DENND2A: variants seen among roughly 807,000 people sequenced by gnomAD.
The protein encoded by DENND2A is DENN domain-containing protein 2A.
A neutral mutation model predicts 105.3 loss-of-function variants in DENND2A; 53 were observed. The observed-to-expected ratio is 0.50, with a 90% CI of 0.40 to 0.63. The LOEUF (loss-of-function observed/expected upper bound fraction) is 0.63, where lower values mean the gene tolerates loss of function less well. Ranked by LOEUF, DENND2A falls within the 30% of genes least tolerant of loss-of-function variation. DENND2A has a pLI of 0.00. For synonymous variants in DENND2A, 522 were observed against 508.4 expected, an observed-to-expected ratio of 1.03 and a Z score of -0.36; for missense variants, 1,138 against 1,279.6, an observed-to-expected ratio of 0.89 and a Z score of 1.69.
At chr7:140,574,964 G>A (rs2130614949) in intron 5 of DENND2A, among the ~76,000 whole-genome samples, 1 of 152,208 alleles carries the variant, frequency 6.6e-6, no homozygotes, top group Middle Eastern at 3.4e-3. Context: ...ATGTTGCAGT[G>A]AGCTGAGATC....
At chr7:140,606,655 T>G (rs905117098) in intron 1 of DENND2A, among the ~76,000 whole-genome samples, 2 of 152,038 alleles carry the variant, frequency 1.3e-5, no homozygotes, top group Non-Finnish European at 2.9e-5. Context: ...TCCTCCAAAC[T>G]GAGGAGGAAG....
chr7:140,540,039 G>A (rs1167923125), intron 14 of DENND2A, among the ~76,000 whole-genome samples: 1 of 152,240 alleles, frequency 6.6e-6, no homozygotes, highest in Non-Finnish European at 1.5e-5. Flanking sequence ...GGCTAAGGAT[G>A]CTCAGGGGTC....
chr7:140,545,674 G>A (rs1585595431), intron 13 of DENND2A, among the ~76,000 whole-genome samples: 1 of 152,178 alleles, frequency 6.6e-6, no homozygotes, highest in South Asian at 2.1e-4. Context: ...CAGCCTGTGT[G>A]TATATCTTCT....
chr7:140,542,186 C>T (rs944603899), intron 14 of DENND2A, among the ~76,000 whole-genome samples: 4 of 152,188 alleles, frequency 2.6e-5, no homozygotes, highest in Non-Finnish European at 5.9e-5. Flanking sequence ...TCTGTGCCCC[C>T]AGTTCCAAAG....
rs1436469017 is a variant in DENND2A, at chr7:140,640,614, A to G, written c.-358T>C. ...GGGCGGGCGGCGGCGGGTGCCGGGG[A>G]CGCCATGGCCCTCCGCCCTCCGCCC... On this transcript the variant is annotated 5_prime_UTR_variant, in exon 1 of 20. Transcript: ENST00000496613. The surrounding 1 kb of genome is among the most constrained non-coding windows in gnomAD (Gnocchi z 4.9). The G allele has an allele frequency of 1.4e-5, 2 of 147,596 alleles. No individual in the cohort carries two copies. The highest frequency in any genetic ancestry group is 3.0e-5 in the Non-Finnish European group (2 of 66,298). The allele number at this position is 147,596 out of a possible 1,614,324, so 9.1% of individuals were successfully genotyped here.
intron 5 of DENND2A, among the ~76,000 whole-genome samples, chr7:140,580,194 T>C (rs1170650452): frequency 1.3e-5 from 2 of 152,242 alleles, no homozygotes; most frequent in African/African-American, 4.8e-5. Flanking sequence ...ACGAGTTTTT[T>C]TCTTCATTAA....
At chr7:140,608,708 C>T (rs868775498) in intron 1 of DENND2A, among the ~76,000 whole-genome samples, 6 of 151,656 alleles carry the variant, frequency 4.0e-5, no homozygotes, top group Admixed American at 2.0e-4. Context: ...AATTAAGTAA[C>T]GAACCCAGCC....
chr7:140,634,707 CT>C (rs1800856211), intron 1 of DENND2A, among the ~76,000 whole-genome samples: 1 of 151,990 alleles, frequency 6.6e-6, no homozygotes, highest in African/African-American at 2.4e-5. Context: ...CCCCTCTCTA[CT>C]AAAAAATACA....
intron 1 of DENND2A, among the ~76,000 whole-genome samples, chr7:140,629,709 G>T (rs1035910011): frequency 1.3e-5 from 2 of 152,174 alleles, no homozygotes; most frequent in African/African-American, 4.8e-5. Context: ...CAGAGGTCCA[G>T]TTTGGGAGGG....
intron 9 of DENND2A, among the ~76,000 whole-genome samples, chr7:140,562,484 A>G (rs1797663784): frequency 6.6e-6 from 1 of 151,788 alleles, no homozygotes; most frequent in Admixed American, 6.6e-5. Flanking sequence ...ACATGGTGAA[A>G]CCCCGTCTCT....
rs3042407 is a variant in DENND2A at position 140,534,081 on chromosome 7, A to ATTTTT, written c.2328-6591_2328-6587dup. ...GGCACGTGCCACCAATGCCTGGTTA[A>ATTTTT]TTTTTTTTTTTTTTTTTTTTTGAGA... On this transcript the variant is annotated intron_variant, in intron 14 of 19. Coordinates refer to ENST00000496613, the MANE Select transcript of DENND2A (RefSeq NM_015689.5). Among the ~76,000 whole-genome samples the ATTTTT allele has an allele frequency of 7.5e-5, 6 of 80,100 alleles. 1 individual carries two copies. Among genetic ancestry groups the ATTTTT allele is most frequent in the Non-Finnish European group, 1.4e-4 (6 of 43,306 alleles). 52.5% of individuals were successfully genotyped at this position (80,100 alleles called of 152,430 possible).
In DENND2A at chr7:140,559,200, C is replaced by A. The variant is rs1228546571; in HGVS notation, c.1889+508G>T. Among the ~76,000 whole-genome samples, 1 of 152,136 alleles carries A rather than the reference C, an allele frequency of 6.6e-6. No individual in the cohort carries two copies. The highest frequency in any genetic ancestry group is 6.5e-5 in the Admixed American group (1 of 15,280). ...CAGGGCATGGTCTGTACAGGGCAGCCCCGGGGCTTGGACGGTCCTTAAAGA... is the reference window on the plus strand; with the variant it reads ...CAGGGCATGGTCTGTACAGGGCAGCACCGGGGCTTGGACGGTCCTTAAAGA... On this transcript the variant is annotated intron_variant, in intron 10 of 19. Coordinates refer to ENST00000496613, the MANE Select transcript of DENND2A (RefSeq NM_015689.5). The surrounding 1 kb of genome is among the most constrained non-coding windows in gnomAD (Gnocchi z 4.1).
intron 12 of DENND2A, among the ~76,000 whole-genome samples, chr7:140,547,426 C>T (rs1796952221): frequency 6.6e-6 from 1 of 152,068 alleles, no homozygotes; most frequent in South Asian, 2.1e-4. Flanking sequence ...TCAAAAGCAC[C>T]ATGAGATACC....
At chr7:140,538,535 C>T (rs1455208388) in intron 14 of DENND2A, among the ~76,000 whole-genome samples, 1 of 152,174 alleles carries the variant, frequency 6.6e-6, no homozygotes, top group Non-Finnish European at 1.5e-5. Flanking sequence ...GAGATAGAGT[C>T]TCACTCTGTT....
intron 14 of DENND2A, among the ~76,000 whole-genome samples, chr7:140,535,513 A>T (rs1263520058): frequency 6.6e-6 from 1 of 152,062 alleles, no homozygotes; most frequent in East Asian, 1.9e-4. Context: ...CTCACCTGTG[A>T]AATAACTAAA....
chr7:140,519,519 CG>C, intron 19 of DENND2A, 112 bp downstream of exon 19: 1 of 861,026 alleles, frequency 1.2e-6, no homozygotes, highest in South Asian at 1.5e-5. Context: ...CAGCGCAGGC[CG>C]TAGAGCTCTG....
chr7:140,625,002 C>A lies in DENND2A; in HGVS notation c.-248+15502G>T, dbSNP rs1396041161. ...CCTCCCAAGTAGCTGGAATGACAGG[C>A]GTGCACCACCACGCCCAGCCTGGAG... On this transcript the variant is annotated intron_variant, in intron 1 of 19. Coordinates refer to ENST00000496613, the MANE Select transcript of DENND2A (RefSeq NM_015689.5). 2.6e-5 allele frequency among the ~76,000 whole-genome samples: 4 copies of A among 151,824 alleles called. No homozygotes were observed. The East Asian group carries it at 7.7e-4, about 29-fold the overall frequency.
At position 140,601,680 on chromosome 7, in the gene DENND2A, T is replaced by C. The variant is rs750423922; in HGVS notation, c.718A>G (p.Arg240Gly). 30 of 1,613,724 alleles carry C rather than the reference T, an allele frequency of 1.9e-5. No homozygotes were observed. The highest frequency in any genetic ancestry group is 1.6e-4 in the Middle Eastern group (1 of 6,082). Residue 240 changes from arginine (R) to glycine (G), a missense_variant, in exon 3 of 20, where the codon AGA (arginine) becomes GGA (glycine). Physicochemically the swap from Arg to Gly is moderately radical, Grantham distance 125. This residue lies in a region of DENND2A where 511 missense variants were observed against 499.9 expected (regional missense o/e 1.02). Coordinates refer to ENST00000496613, the MANE Select transcript of DENND2A (RefSeq NM_015689.5). Reference protein sequence around the residue: ...ELVEDRKGSCRRPWDRSLENV... With the variant: ...ELVEDRKGSCGRPWDRSLENV... ...TCAAGGCTCCGGTCCCAGGGCCTTC[T>C]GCATGAACCTTTCCTGTCCTCCACA...
rs1222359468 is a variant in DENND2A at position 140,558,126 on chromosome 7, A to AAGCAGAATGTACTCACC, written c.1959_1959+16dup. On this transcript the variant is annotated intron_variant, in intron 11 of 19. Transcript: ENST00000496613. ...AGTCCACGAGGCTCTTGCAGGCTGA[A>AAGCAGAATGTACTCACC]AGCAGAATGTACTCACCAGCAGTCT... 6.2e-7 allele frequency: 1 copy of AAGCAGAATGTACTCACC among 1,611,220 alleles called. No homozygotes were observed. Among genetic ancestry groups the AAGCAGAATGTACTCACC allele is most frequent in the Non-Finnish European group, 8.5e-7 (1 of 1,177,672 alleles).
Sources: gnomAD v4.1 joint callset for allele counts (sites outside exome capture counted in the v4.1 genomes callset) on GRCh38, gnomAD v4.1.1 for gene constraint, gnomAD v4.1.1 regional missense constraint, Gnocchi (gnomAD v3.1) non-coding constraint, MANE v1.5 for transcripts, NCBI Gene and HGNC (gene_info 2026-07-23, HGNC 2026-07-21) for gene names.